Variants in ROCK1 observed in about 807,000 individuals in gnomAD.
ROCK1 encodes the protein rho-associated protein kinase 1.
ROCK1 carries 36 observed loss-of-function variants against 196.8 expected under a neutral mutation model. The ratio of observed to expected loss-of-function variants is 0.18; its 90% CI spans 0.14 to 0.24. The LOEUF is 0.24. Ranked by LOEUF, ROCK1 falls within the 10% of genes least tolerant of loss-of-function variation. The probability of loss-of-function intolerance (pLI) is 1.00; values close to 1 mark genes in which losing one functional copy is unlikely to be tolerated. For synonymous variants in ROCK1, 443 were observed against 515.9 expected, an observed-to-expected ratio of 0.86 and a Z score of 1.91; for missense variants, 920 against 1,562.0, an observed-to-expected ratio of 0.59 and a Z score of 6.93.
At chr18:20,971,078 C>T (rs1460732783) in intron 22 of ROCK1, among the ~76,000 whole-genome samples, 1 of 152,114 alleles carries the variant, frequency 6.6e-6, no homozygotes, top group Non-Finnish European at 1.5e-5. Flanking sequence ...GGAAATGATA[C>T]TAAAACATTT....
At chr18:21,021,741 T>C (rs1375753563) in intron 11 of ROCK1, among the ~76,000 whole-genome samples, 4 of 152,186 alleles carry the variant, frequency 2.6e-5, no homozygotes, top group African/African-American at 4.8e-5. Context: ...GATAAACTTA[T>C]GGTAATCACC....
Position 20,992,943 on chromosome 18 carries a change from A to G in ROCK1, c.1886-6T>C, listed in dbSNP as rs1365633323. On this transcript the variant is annotated splice_region_variant and splice_polypyrimidine_tract_variant and intron_variant, in intron 16 of 32. Transcript: ENST00000399799. Reference sequence around the variant, plus strand: ...TTGTAAAGATGTAATTCGAGCTATCAAGTGAGAAAAAAGTTCAAGTCTGTA... The same window carrying G: ...TTGTAAAGATGTAATTCGAGCTATCGAGTGAGAAAAAAGTTCAAGTCTGTA... 1 of 1,581,286 alleles carries G rather than the reference A, an allele frequency of 6.3e-7. No homozygotes were observed. Among genetic ancestry groups the G allele is most frequent in the Non-Finnish European group, 8.7e-7 (1 of 1,151,988 alleles).
rs1328538892 is a variant in ROCK1 at position 21,111,362 on chromosome 18, G to A, written c.-452C>T. 1.9e-5 allele frequency: 8 copies of A among 427,126 alleles called. No individual in the cohort carries two copies. The highest frequency in any genetic ancestry group is 3.3e-5 in the Non-Finnish European group (8 of 243,310). The allele number at this position is 427,126 out of a possible 1,614,324, so 26.5% of individuals were successfully genotyped here. On this transcript the variant is annotated 5_prime_UTR_variant, in exon 1 of 33. Transcript: ENST00000399799. This position sits in a 1 kb window ranked among gnomAD's most constrained non-coding sequence, Gnocchi z 4.2. ...GGCGAAAGCAAAGGGCGGGTGAGGA[G>A]CTGTGCCAGCTGCGGCCGCCGCTCG...
chr18:20,990,781 G>A (rs1251392174), intron 18 of ROCK1, among the ~76,000 whole-genome samples: 1 of 148,736 alleles, frequency 6.7e-6, no homozygotes, highest in Non-Finnish European at 1.5e-5. Context: ...CTTTCTCTGA[G>A]ACACAGTCTC....
At chr18:21,036,521 C>T (rs964973650) in intron 9 of ROCK1, among the ~76,000 whole-genome samples, 10 of 152,160 alleles carry the variant, frequency 6.6e-5, no homozygotes, top group Admixed American at 2.0e-4. Flanking sequence ...CATAGCTAAC[C>T]GCACCCTTGA....
rs982948499 is a variant in ROCK1, at chr18:20,973,634, GAGCGTT to G, written c.2655-3127_2655-3122del. ...GGATCGAGGGACTAGCATTAGATAA[GAGCGTT>G]AGCTCATGATGTCCATTTACATCAT... is the stretch of plus-strand genomic sequence containing the variant. On this transcript the variant is annotated intron_variant, in intron 22 of 32. Transcript: ENST00000399799. 4.6e-5 allele frequency among the ~76,000 whole-genome samples: 7 copies of G among 152,270 alleles called. 1 individual carries two copies. The South Asian group carries it at 1.4e-3, about 32-fold the overall frequency.
chr18:21,040,455 T>C (rs2036095573), intron 8 of ROCK1, among the ~76,000 whole-genome samples: 1 of 152,166 alleles, frequency 6.6e-6, no homozygotes, highest in South Asian at 2.1e-4. Context: ...GAGCAAAAAG[T>C]TTTTAAAAAT....
intron 4 of ROCK1, among the ~76,000 whole-genome samples, chr18:21,048,275 A>G (rs1202957798): frequency 1.3e-5 from 2 of 152,138 alleles, no homozygotes; most frequent in Non-Finnish European, 2.9e-5. Flanking sequence ...ACCGAAAGAC[A>G]AGTATTATTT....
rs114137376 is a variant in ROCK1 at position 20,973,174 on chromosome 18, C to A, written c.2655-2661G>T. ...GATTACAGGCGTGAGCCACCACGCCCGGTGTAAGAGGGTTGTTTTTAGAGG... is the reference window on the plus strand; with the variant it reads ...GATTACAGGCGTGAGCCACCACGCCAGGTGTAAGAGGGTTGTTTTTAGAGG... On this transcript the variant is annotated intron_variant, in intron 22 of 32. Coordinates refer to ENST00000399799, the MANE Select transcript of ROCK1 (RefSeq NM_005406.3). Among the ~76,000 whole-genome samples, 11 of 152,162 alleles carry A rather than the reference C, an allele frequency of 7.2e-5. No individual in the cohort carries two copies. In the East Asian group the frequency reaches 9.7e-4, roughly 13 times the overall value.
chr18:21,064,573 C>A (rs1195359539), intron 2 of ROCK1, among the ~76,000 whole-genome samples: 4 of 152,212 alleles, frequency 2.6e-5, no homozygotes, highest in Non-Finnish European at 5.9e-5. Context: ...TTTTCTCACA[C>A]ATCTTGAATC....
intron 10 of ROCK1, among the ~76,000 whole-genome samples, chr18:21,027,790 C>A: frequency 9.8e-6 from 1 of 101,668 alleles, no homozygotes; most frequent in Non-Finnish European, 1.7e-5. Context: ...GAGACGGAGT[C>A]TCGCTCTGTC....
chr18:21,011,283 T>A (rs2035814877), intron 13 of ROCK1, among the ~76,000 whole-genome samples: 1 of 152,158 alleles, frequency 6.6e-6, no homozygotes, highest in South Asian at 2.1e-4. Flanking sequence ...ATTTTAGCAT[T>A]CCTTTTGATT....
intron 1 of ROCK1, among the ~76,000 whole-genome samples, chr18:21,075,885 G>A (rs554727543): frequency 4.4e-4 from 66 of 151,206 alleles, no homozygotes; most frequent in Non-Finnish European, 8.0e-4. Flanking sequence ...CCCGGGAGGC[G>A]GAGGTTGCAG....
intron 1 of ROCK1, among the ~76,000 whole-genome samples, chr18:21,104,789 T>C (rs2036689759): frequency 6.6e-6 from 1 of 152,194 alleles, no homozygotes. Context: ...GCCTTTTATA[T>C]CCAACTAAAC....
At chr18:20,980,719 A>G (rs2035524081) in intron 21 of ROCK1, among the ~76,000 whole-genome samples, 1 of 151,968 alleles carries the variant, frequency 6.6e-6, no homozygotes, top group African/African-American at 2.4e-5. Context: ...GATTGAGAGC[A>G]TCCTGGCTAA....
intron 13 of ROCK1, among the ~76,000 whole-genome samples, chr18:21,013,385 CAGG>C (rs2035834608): frequency 6.6e-6 from 1 of 152,194 alleles, no homozygotes; most frequent in African/African-American, 2.4e-5. Flanking sequence ...TGGGTGGAAG[CAGG>C]AGTTCTGGCA....
chr18:20,981,003 T>C (rs530066931), intron 21 of ROCK1, among the ~76,000 whole-genome samples: 2 of 152,038 alleles, frequency 1.3e-5, no homozygotes, highest in South Asian at 4.2e-4. Flanking sequence ...CACATATTAC[T>C]AATTTAAAGG....
Position 20,946,927 on chromosome 18 carries a change from A to G in ROCK1, c.*4457T>C, listed in dbSNP as rs2035133707. ...CAAATGAACCACTTAATTCAATTTA[A>G]TAGCCAAACCATCCTACATGGTACA... On this transcript the variant is annotated 3_prime_UTR_variant, in exon 33 of 33. Coordinates refer to ENST00000399799, the MANE Select transcript of ROCK1 (RefSeq NM_005406.3). The G allele has an allele frequency of 6.6e-6, 1 of 152,212 alleles. No individual in the cohort carries two copies. Among genetic ancestry groups the G allele is most frequent in the Non-Finnish European group, 1.5e-5 (1 of 68,038 alleles). The allele number at this position is 152,212 out of a possible 1,614,324, so 9.4% of individuals were successfully genotyped here.
chr18:21,081,678 C>T (rs151046190), intron 1 of ROCK1, among the ~76,000 whole-genome samples: 150 of 152,104 alleles, frequency 9.9e-4, no homozygotes, highest in Middle Eastern at 3.4e-3. Context: ...ATAAAAGTGA[C>T]GACATTCCTA....
Sources: allele counts gnomAD v4.1 joint callset (sites outside exome capture counted in the v4.1 genomes callset), GRCh38; gene constraint gnomAD v4.1.1; non-coding constraint Gnocchi (gnomAD v3.1); transcripts MANE v1.5; gene names NCBI Gene and HGNC (gene_info 2026-07-23, HGNC 2026-07-21).